CDH8: variants seen among roughly 807,000 people sequenced by gnomAD.
CDH8 encodes cadherin 8.
A neutral mutation model predicts 68.1 loss-of-function variants in CDH8; 17 were observed. The observed-to-expected ratio is 0.25, with a 90% CI of 0.17 to 0.37. CDH8 has a LOEUF of 0.37. Among genes scored for constraint, CDH8 ranks in the 10% least tolerant of loss-of-function variants. The probability of loss-of-function intolerance (pLI) is 1.00; values close to 1 mark genes in which losing one functional copy is unlikely to be tolerated. For synonymous variants in CDH8, 372 were observed against 365.1 expected, an observed-to-expected ratio of 1.02 and a Z score of -0.21; for missense variants, 763 against 999.3, an observed-to-expected ratio of 0.76 and a Z score of 3.19.
At chr16:61,869,908 TGGAAAAGGAGAAAAAGACCA>T (rs1963325106) in intron 3 of CDH8, among the ~76,000 whole-genome samples, 1 of 152,204 alleles carries the variant, frequency 6.6e-6, no homozygotes, top group African/African-American at 2.4e-5. Flanking sequence ...GACTCTTAGA[TGGAAAAGGAGAAAAAGACCA>T]TATACATTTT....
chr16:61,768,304 G>GTGTCTCTCTCTCTC (rs1164507960), intron 8 of CDH8, among the ~76,000 whole-genome samples: 3 of 73,682 alleles, frequency 4.1e-5, no homozygotes, highest in Admixed American at 1.4e-4. Flanking sequence ...CTCTCTCTGT[G>GTGTCTCTCTCTCTC]TCTCTCCCTT....
At chr16:61,792,123 T>A (rs1961392150) in intron 7 of CDH8, among the ~76,000 whole-genome samples, 1 of 151,928 alleles carries the variant, frequency 6.6e-6, no homozygotes, top group Non-Finnish European at 1.5e-5. Flanking sequence ...CAGAAAACTT[T>A]AAAAAAATGT....
rs147323582 is a variant in CDH8 at position 61,761,559 on chromosome 16, A to T, written c.1414+27787T>A. 1.9e-4 allele frequency among the ~76,000 whole-genome samples: 29 copies of T among 152,300 alleles called. No homozygotes were observed. The East Asian group carries it at 5.2e-3, about 27-fold the overall frequency. ...GTATAAACCCTGTCTGAATATTAGG[A>T]TCACCTGGGAAGCTTCAAAAAATAC... On this transcript the variant is annotated intron_variant, in intron 8 of 11. Transcript: ENST00000577390.
chr16:61,800,847 T>C (rs1567476420), intron 7 of CDH8, among the ~76,000 whole-genome samples: 1 of 152,172 alleles, frequency 6.6e-6, no homozygotes, highest in African/African-American at 2.4e-5. Context: ...AGCTGTATAA[T>C]ACATCATGTC....
rs1051966443 is a variant in CDH8, at chr16:61,782,786, C to G, written c.1414+6560G>C. 5.1e-4 allele frequency among the ~76,000 whole-genome samples: 78 copies of G among 152,190 alleles called. 1 individual carries two copies. Among genetic ancestry groups the G allele is most frequent in the African/African-American group, 1.4e-3 (57 of 41,544 alleles). On this transcript the variant is annotated intron_variant, in intron 8 of 11. Transcript: ENST00000577390. ...CCTCAAGTGGGTCCCTGACCCCTGA[C>G]CCCTGAGCAGCCTAACTGGGAGGCA...
At chr16:61,814,022 T>C (rs1216327581) in intron 7 of CDH8, among the ~76,000 whole-genome samples, 1 of 152,190 alleles carries the variant, frequency 6.6e-6, no homozygotes, top group African/African-American at 2.4e-5. Context: ...GGTTCTTAAT[T>C]TGCATTTAAG....
At chr16:61,749,672 G>A (rs1180539581) in intron 8 of CDH8, among the ~76,000 whole-genome samples, 1 of 151,984 alleles carries the variant, frequency 6.6e-6, no homozygotes, top group Non-Finnish European at 1.5e-5. Flanking sequence ...CAAGCAAACT[G>A]CAGTGCTGAA....
intron 4 of CDH8, among the ~76,000 whole-genome samples, chr16:61,833,310 T>A (rs915289133): frequency 5.3e-5 from 8 of 151,668 alleles, no homozygotes; most frequent in South Asian, 2.1e-4. Context: ...TGTATTTTTT[T>A]ATAAATATAT....
intron 10 of CDH8, 55 bp from the exon 11 acceptor site, chr16:61,655,776 T>C: frequency 6.6e-7 from 1 of 1,510,826 alleles, no homozygotes; most frequent in Non-Finnish European, 9.1e-7. Context: ...ACTCTCCAAA[T>C]AACACTTGTT....
intron 2 of CDH8, among the ~76,000 whole-genome samples, chr16:62,020,607 A>G (rs1597130638): frequency 3.9e-5 from 6 of 152,220 alleles, no homozygotes; most frequent in Admixed American, 3.9e-4. Context: ...AAAGTTTTTC[A>G]AATAGTACAA....
chr16:61,947,423 A>G (rs984276408), intron 2 of CDH8, among the ~76,000 whole-genome samples: 3 of 152,198 alleles, frequency 2.0e-5, no homozygotes, highest in Admixed American at 2.0e-4. Context: ...TCAAACCTGT[A>G]TTGCATTCCT....
At chr16:61,855,733 A>G (rs1206195548) in intron 4 of CDH8, among the ~76,000 whole-genome samples, 2 of 152,148 alleles carry the variant, frequency 1.3e-5, no homozygotes, top group Non-Finnish European at 2.9e-5. Flanking sequence ...CTGAAGTTCA[A>G]AACAAATTTG....
chr16:61,684,418 G>C (rs1468218297), intron 10 of CDH8, among the ~76,000 whole-genome samples: 1 of 151,862 alleles, frequency 6.6e-6, no homozygotes, highest in African/African-American at 2.4e-5. Flanking sequence ...CAATAAAAAA[G>C]ATATAGCAAG....
chr16:61,799,889 T>C (rs896153894), intron 7 of CDH8, among the ~76,000 whole-genome samples: 1 of 152,128 alleles, frequency 6.6e-6, no homozygotes, highest in Admixed American at 6.5e-5. Flanking sequence ...AAGCAAGATA[T>C]GGTCTATTAA....
At chr16:61,837,240 T>G (rs1962587931) in intron 4 of CDH8, among the ~76,000 whole-genome samples, 1 of 152,062 alleles carries the variant, frequency 6.6e-6, no homozygotes, top group Non-Finnish European at 1.5e-5. Flanking sequence ...AGCTGTTGGC[T>G]CAACATTGCA....
At chr16:61,737,151 C>G (rs899580237) in intron 8 of CDH8, among the ~76,000 whole-genome samples, 1 of 152,128 alleles carries the variant, frequency 6.6e-6, no homozygotes, top group Non-Finnish European at 1.5e-5. Context: ...ACTGCCAAGT[C>G]TAAGTTACTT....
chr16:61,728,370 G>T (rs554304479), intron 8 of CDH8, among the ~76,000 whole-genome samples: 1 of 150,866 alleles, frequency 6.6e-6, no homozygotes, highest in South Asian at 2.1e-4. Context: ...TTTGAATTTA[G>T]TTGAGTGCCA....
rs376973784 is a variant in CDH8 at position 62,021,520 on chromosome 16, T to C, written c.-117A>G. 65 of 1,486,090 alleles carry C rather than the reference T, an allele frequency of 4.4e-5. No homozygotes were observed. The African/African-American group carries it at 8.4e-4, about 19-fold the overall frequency. The allele number at this position is 1,486,090 out of a possible 1,614,324, so 92.1% of individuals were successfully genotyped here. A position where few individuals can be genotyped will look rare whatever the true frequency, so the allele number is the denominator to read the frequency against. ...AGCATTTACTTACAGCTCTGCCACG[T>C]GTCTATAGCACGGGAAACAGACATC... On this transcript the variant is annotated 5_prime_UTR_variant, in exon 2 of 12. Transcript: ENST00000577390.
chr16:61,960,703 C>T (rs1965139142), intron 2 of CDH8, among the ~76,000 whole-genome samples: 1 of 152,076 alleles, frequency 6.6e-6, no homozygotes, highest in Admixed American at 6.5e-5. Context: ...TGCCCTCCTT[C>T]CTCCCTCTCG....
Sources: gnomAD v4.1 joint callset for allele counts (sites outside exome capture counted in the v4.1 genomes callset) on GRCh38, gnomAD v4.1.1 for gene constraint, MANE v1.5 for transcripts, NCBI Gene and HGNC (gene_info 2026-07-23, HGNC 2026-07-21) for gene names.